Variants in GALNT13 observed in about 807,000 individuals in gnomAD.
The protein encoded by GALNT13 is UDP-GalNAc:polypeptide N-acetylgalactosaminyltransferase 13.
A neutral mutation model predicts 64.2 loss-of-function variants in GALNT13; 28 were observed. The ratio of observed to expected loss-of-function variants is 0.44; its 90% CI spans 0.32 to 0.60. The LOEUF is 0.60. Among genes scored for constraint, GALNT13 ranks in the 20% least tolerant of loss-of-function variants. The pLI, the probability that GALNT13 is intolerant of heterozygous loss-of-function variation, is 0.05. For synonymous variants in GALNT13, 214 were observed against 224.6 expected (o/e 0.95, Z 0.42); for missense variants, 577 against 669.8 (o/e 0.86, Z 1.53).
In GALNT13 at chr2:154,145,414, G is replaced by A. The variant is rs971638293; in HGVS notation, c.311+4909G>A. On this transcript the variant is annotated intron_variant, in intron 4 of 12. Coordinates refer to ENST00000392825, the MANE Select transcript of GALNT13 (RefSeq NM_052917.4). ...AGAGCAGGGTTTAAATGCTTCTGTT[G>A]TCAGAAAGTAAATAAATAGATGCCA... 5.3e-5 allele frequency among the ~76,000 whole-genome samples: 8 copies of A among 151,698 alleles called. No homozygotes were observed. The East Asian group carries it at 5.8e-4, about 11-fold the overall frequency.
chr2:153,803,974 T>C, the GALNT13 span, among the ~76,000 whole-genome samples: 1 of 152,100 alleles, frequency 6.6e-6, no homozygotes, highest in African/African-American at 2.4e-5. Flanking sequence ...ATCCCTACCT[T>C]TTCATCCCTC....
chr2:153,645,357 GT>G, the GALNT13 span, among the ~76,000 whole-genome samples: 1 of 152,088 alleles, frequency 6.6e-6, no homozygotes, highest in African/African-American at 2.4e-5. Flanking sequence ...AGAAATAATA[GT>G]TTAGAACATA....
At chr2:153,427,922 T>C in the GALNT13 span, among the ~76,000 whole-genome samples, 1 of 152,210 alleles carries the variant, frequency 6.6e-6, no homozygotes, top group South Asian at 2.1e-4. Flanking sequence ...CCATTGCAAC[T>C]AGAACTAGTA....
intron 3 of GALNT13, among the ~76,000 whole-genome samples, chr2:154,019,402 A>G (rs779728087): frequency 2.0e-5 from 3 of 152,124 alleles, no homozygotes; most frequent in Non-Finnish European, 4.4e-5. Context: ...TGGGAGGCCA[A>G]GGCAGGTGAA....
At chr2:153,517,341 GCT>G in the GALNT13 span, among the ~76,000 whole-genome samples, 1 of 152,134 alleles carries the variant, frequency 6.6e-6, no homozygotes, top group Non-Finnish European at 1.5e-5. Flanking sequence ...ACTAATACGT[GCT>G]CTGAGTTAAG....
the GALNT13 span, among the ~76,000 whole-genome samples, chr2:153,147,133 C>T: frequency 1.1e-4 from 17 of 148,224 alleles, no homozygotes; most frequent in East Asian, 2.8e-3. Flanking sequence ...TAAATAGACC[C>T]CCATTCCCAT....
chr2:154,353,540 G>A (rs780606096), intron 9 of GALNT13, among the ~76,000 whole-genome samples: 2 of 152,096 alleles, frequency 1.3e-5, no homozygotes, highest in Non-Finnish European at 2.9e-5. Context: ...CTACACATCT[G>A]CTACTTTGTA....
intron 4 of GALNT13, among the ~76,000 whole-genome samples, chr2:154,160,775 G>C (rs939059017): frequency 1.3e-5 from 2 of 152,150 alleles, no homozygotes; most frequent in African/African-American, 4.8e-5. Context: ...CCCTTCCCTA[G>C]AAGTAGAAAA....
At position 154,351,563 on chromosome 2, in the gene GALNT13, G is replaced by C. The variant is rs367863047; in HGVS notation, c.1157-44428G>C. Among the ~76,000 whole-genome samples, 359 of 151,804 alleles carry C rather than the reference G, an allele frequency of 2.4e-3. 1 individual carries two copies. Among genetic ancestry groups the C allele is most frequent in the Middle Eastern group, 0.014 (4 of 294 alleles). ...CCGGGCATGGTGGCGGGCACCTGTAGTCCCAGCTACTCTGGAGGCTGAGGC... is the reference window on the plus strand; with the variant it reads ...CCGGGCATGGTGGCGGGCACCTGTACTCCCAGCTACTCTGGAGGCTGAGGC... On this transcript the variant is annotated intron_variant, in intron 9 of 12. Coordinates refer to ENST00000392825, the MANE Select transcript of GALNT13 (RefSeq NM_052917.4).
At chr2:153,584,250 T>C in the GALNT13 span, among the ~76,000 whole-genome samples, 1 of 152,120 alleles carries the variant, frequency 6.6e-6, no homozygotes, top group African/African-American at 2.4e-5. Context: ...TATGCATCCA[T>C]TATTGAGGGG....
chr2:153,316,342 G>A, the GALNT13 span, among the ~76,000 whole-genome samples: 8 of 151,892 alleles, frequency 5.3e-5, no homozygotes, highest in East Asian at 1.9e-4. Context: ...TTTTTTAAAC[G>A]TCTAAAAACA....
At chr2:153,328,555 T>C in the GALNT13 span, among the ~76,000 whole-genome samples, 6 of 152,230 alleles carry the variant, frequency 3.9e-5, no homozygotes, top group African/African-American at 1.4e-4. Context: ...TGCCATGCTT[T>C]GGTGGGTTCT....
the GALNT13 span, among the ~76,000 whole-genome samples, chr2:153,450,607 T>C: frequency 2.1e-4 from 32 of 150,666 alleles, no homozygotes; most frequent in African/African-American, 7.8e-4. Flanking sequence ...ACACTTTAAA[T>C]TGTGCCCAGA....
At chr2:153,520,180 G>T in the GALNT13 span, among the ~76,000 whole-genome samples, 1 of 152,134 alleles carries the variant, frequency 6.6e-6, no homozygotes, top group Admixed American at 6.5e-5. Flanking sequence ...TTATTTTAAT[G>T]ATCTTTGCAC....
At chr2:154,434,939 T>A (rs1009359298) in intron 11 of GALNT13, among the ~76,000 whole-genome samples, 1 of 152,162 alleles carries the variant, frequency 6.6e-6, no homozygotes, top group African/African-American at 2.4e-5. Flanking sequence ...ACACATTTTT[T>A]AAAAAAGGTA....
chr2:154,152,734 A>G (rs6435059), intron 4 of GALNT13, among the ~76,000 whole-genome samples: 115,863 of 152,134 alleles, frequency 0.76, 44,503 homozygotes, highest in East Asian at 0.96. Context: ...GGCTCCTGAC[A>G]CTTCTGCATT....
chr2:154,298,885 T>C (rs866600859), intron 8 of GALNT13, among the ~76,000 whole-genome samples: 1 of 133,330 alleles, frequency 7.5e-6, no homozygotes, highest in Admixed American at 8.7e-5. Context: ...ATATATTATT[T>C]ATATATACAT....
At chr2:153,923,716 A>C (rs1574124737) in intron 2 of GALNT13, among the ~76,000 whole-genome samples, 2 of 64,702 alleles carry the variant, frequency 3.1e-5, no homozygotes, top group African/African-American at 6.3e-5. Context: ...ACAGGCCCCC[A>C]TGTGTGATAT....
chr2:153,431,190 C>T, the GALNT13 span, among the ~76,000 whole-genome samples: 63 of 151,176 alleles, frequency 4.2e-4, no homozygotes, highest in Middle Eastern at 6.8e-3. Context: ...ATTAGGTATA[C>T]TGTATTTTAC....
Sources: gnomAD v4.1 joint callset for allele counts (sites outside exome capture counted in the v4.1 genomes callset) on GRCh38, gnomAD v4.1.1 for gene constraint, MANE v1.5 for transcripts, NCBI Gene and HGNC (gene_info 2026-07-23, HGNC 2026-07-21) for gene names.